The following PCNT variants were observed in gnomAD, a reference collection of about 807,000 sequenced individuals.
The protein encoded by PCNT is pericentrin, also known as kendrin.
Under a neutral mutation model 380.4 loss-of-function variants are expected in PCNT, and 319 were observed. The observed-to-expected ratio is 0.84, with a 90% CI of 0.77 to 0.92. The LOEUF is 0.92. Among genes scored for constraint, PCNT ranks in the 40% least tolerant of loss-of-function variants. The probability of loss-of-function intolerance (pLI) is 0.00; values close to 1 mark genes in which losing one functional copy is unlikely to be tolerated. For missense variants in PCNT, 4,400 were observed against 4,255.3 expected (o/e 1.03, Z -0.95); for synonymous variants, 1,845 against 1,735.2 (o/e 1.06, Z -1.57).
intron 15 of PCNT, among the ~76,000 whole-genome samples, chr21:46,372,295 CAT>C (rs1034144894): frequency 6.8e-4 from 98 of 144,760 alleles, no homozygotes; most frequent in African/African-American, 2.7e-3. Flanking sequence ...AGCACATACA[CAT>C]AGCAGATGTG....
rs1315814227 is a variant in PCNT at position 46,425,942 on chromosome 21, G to A, written c.7291G>A (p.Asp2431Asn). 2 of 1,614,094 alleles carry A rather than the reference G, an allele frequency of 1.2e-6. No individual in the cohort carries two copies. Among genetic ancestry groups the A allele is most frequent in the East Asian group, 4.5e-5 (2 of 44,886 alleles). The change falls in exon 33 of 47, where the codon GAC (aspartate) becomes AAC (asparagine). Residue 2431 changes from aspartate (D) to asparagine (N), a missense_variant. Physicochemically the swap from Asp to Asn is conservative, Grantham distance 23. Transcript: ENST00000359568. This position sits in a 1 kb window ranked among gnomAD's most constrained non-coding sequence, Gnocchi z 4.2. ...HPPRKEDEIQ[D>N]ISLHGGKTQE... Reference sequence around the variant, plus strand: ...ACCCCGGAAGGAAGACGAGATACAGGACATCTCGCTCCATGGGGGAAAGAC... The same window carrying A: ...ACCCCGGAAGGAAGACGAGATACAGAACATCTCGCTCCATGGGGGAAAGAC...
intron 3 of PCNT, among the ~76,000 whole-genome samples, chr21:46,343,017 C>T (rs779571735): frequency 5.3e-5 from 8 of 152,126 alleles, no homozygotes; most frequent in South Asian, 2.1e-4. Context: ...ATGTTGATTT[C>T]GTGTCCTGAA....
At chr21:46,347,418 A>T (rs750252949) in intron 5 of PCNT, 39 bp from the exon 6 acceptor site, 4 of 1,609,846 alleles carry the variant, frequency 2.5e-6, no homozygotes, top group South Asian at 1.1e-5. Flanking sequence ...GAAAAGGTTG[A>T]GATGGAGTGG....
At chr21:46,444,366 T>A (rs144266999) in intron 45 of PCNT, among the ~76,000 whole-genome samples, 1 of 152,204 alleles carries the variant, frequency 6.6e-6, no homozygotes, top group Non-Finnish European at 1.5e-5. Flanking sequence ...GGGGCAGGTA[T>A]CACCCTGACA....
intron 9 of PCNT, among the ~76,000 whole-genome samples, chr21:46,351,780 A>G (rs2084282726): frequency 6.6e-6 from 1 of 152,222 alleles, no homozygotes; most frequent in Non-Finnish European, 1.5e-5. Context: ...GTGTCCCTCA[A>G]GGCCAAGAGC....
At chr21:46,426,068 TC>T (rs371381797) in intron 33 of PCNT, 97 bp downstream of exon 33, 76 of 962,518 alleles carry the variant, frequency 7.9e-5, no homozygotes, top group South Asian at 2.0e-4. Flanking sequence ...AGGATTTCTT[TC>T]TTTTTTTTTT....
At position 46,440,175 on chromosome 21, in the gene PCNT, C is replaced by A. The variant is rs147772059; in HGVS notation, c.9366C>A (p.Ser3122Arg). ...PDPGRLPPAA[S>R]EEAHTSNVKM... Reference sequence around the variant, plus strand: ...CCGGCCGGCTTCCACCAGCTGCCAGCGAGGAAGCACACACCAGCAATGTCA... The same window carrying A: ...CCGGCCGGCTTCCACCAGCTGCCAGAGAGGAAGCACACACCAGCAATGTCA... Residue 3122 changes from serine to arginine, a missense_variant, in exon 42 of 47, where the codon AGC (serine) becomes AGA (arginine). By Grantham distance (110) the Ser-to-Arg change is moderately radical. Transcript: ENST00000359568. 9 of 1,613,924 alleles carry A rather than the reference C, an allele frequency of 5.6e-6. No homozygotes were observed. In the African/African-American group the frequency reaches 1.2e-4, roughly 22 times the overall value.
intron 43 of PCNT, 98 bp from the exon 44 acceptor site, chr21:46,442,399 C>G: frequency 5.2e-6 from 4 of 765,020 alleles, no homozygotes; most frequent in Non-Finnish European, 6.9e-6. Context: ...GGCAGCGAGG[C>G]CCCCATTCTG....
rs2147851397 is a variant in PCNT, at chr21:46,422,073, G to T, written c.7128G>T (p.Gln2376His). ...CTGCTTCCATCTCTGGAAGGTTTCA[G>T]CCGCTGCCGGAAGCCATGAAGGAGA... ...VTPASISGRF[Q>H]PLPEAMKEKE... The change falls in exon 32 of 47, where the codon CAG becomes CAT. Residue 2376 changes from glutamine (Q) to histidine (H), a missense_variant. Gln to His is a conservative substitution (Grantham distance 24, BLOSUM62 0). Coordinates refer to ENST00000359568, the MANE Select transcript of PCNT (RefSeq NM_006031.6). 6.2e-7 allele frequency: 1 copy of T among 1,613,916 alleles called. No homozygotes were observed.
At chr21:46,415,779 T>C (rs2042502853) in intron 29 of PCNT, among the ~76,000 whole-genome samples, 1 of 152,174 alleles carries the variant, frequency 6.6e-6, no homozygotes, top group South Asian at 2.1e-4. Flanking sequence ...TAAACCACAA[T>C]TTTGTGTTTT....
chr21:46,352,590 G>T (rs185517583), intron 9 of PCNT, among the ~76,000 whole-genome samples: 37 of 152,310 alleles, frequency 2.4e-4, no homozygotes, highest in African/African-American at 8.4e-4. Context: ...ATGGAGACAA[G>T]TTCTTTTAGG....
In PCNT at chr21:46,413,019, T is replaced by C. The variant is rs112314119; in HGVS notation, c.6150+27T>C. 7.5e-4 allele frequency: 1,125 copies of C among 1,502,918 alleles called. 5 individuals are homozygous for C. In the African/African-American group the frequency reaches 0.011, roughly 15 times the overall value. 93.1% of individuals were successfully genotyped at this position (1,502,918 alleles called of 1,614,324 possible). ...TGTGGGGAGGGGGGAAGGCGCGAGGTCCCCCCGGGAGAGGCTGGACACGCG... is the reference window on the plus strand; with the variant it reads ...TGTGGGGAGGGGGGAAGGCGCGAGGCCCCCCCGGGAGAGGCTGGACACGCG... On this transcript the variant is annotated intron_variant, in intron 29 of 46. Transcript: ENST00000359568.
Position 46,355,476 on chromosome 21 carries a change from G to A in PCNT, c.1786G>A (p.Glu596Lys), listed in dbSNP as rs2084438681. The A allele has an allele frequency of 1.2e-6, 2 of 1,614,034 alleles. No homozygotes were observed. Among genetic ancestry groups the A allele is most frequent in the Non-Finnish European group, 1.7e-6 (2 of 1,180,032 alleles). ...HKESLPRFQA[E>K]LEESHRHQLE... ...GGAGAGCCTGCCACGCTTCCAGGCG[G>A]AGTTAGAAGAAAGCCACAGGCACCA... Residue 596 changes from glutamate (E) to lysine (K), a missense_variant, in exon 12 of 47, where the codon GAG becomes AAG. Coordinates refer to ENST00000359568, the MANE Select transcript of PCNT (RefSeq NM_006031.6).
chr21:46,390,467 G>A (rs536465241), intron 19 of PCNT, among the ~76,000 whole-genome samples: 1 of 152,224 alleles, frequency 6.6e-6, no homozygotes, highest in South Asian at 2.1e-4. Flanking sequence ...CTGGGAGGCT[G>A]AGGAGGGGTC....
chr21:46,324,821 G>A, intron 1 of PCNT: 1 of 945,904 alleles, frequency 1.1e-6, no homozygotes, highest in Non-Finnish European at 1.3e-6. Flanking sequence ...CGGGTGGCCT[G>A]CAGCGCCTCC....
At position 46,388,035 on chromosome 21, in the gene PCNT, C is replaced by T. The variant is rs1420956139; in HGVS notation, c.3465-707C>T. 6.6e-6 allele frequency among the ~76,000 whole-genome samples: 1 copy of T among 151,986 alleles called. No homozygotes were observed. The highest frequency in any genetic ancestry group is 1.5e-5 in the Non-Finnish European group (1 of 67,978). Reference sequence around the variant, plus strand: ...ACCATCCTGGCTAACATGGTGAAACCCCATCTCTACTAAAAATACAAAAAA... The same window carrying T: ...ACCATCCTGGCTAACATGGTGAAACTCCATCTCTACTAAAAATACAAAAAA... On this transcript the variant is annotated intron_variant, in intron 17 of 46. Transcript: ENST00000359568. This position sits in a 1 kb window ranked among gnomAD's most constrained non-coding sequence, Gnocchi z 4.2.
chr21:46,383,715 T>C, intron 16 of PCNT, among the ~76,000 whole-genome samples: 1 of 145,636 alleles, frequency 6.9e-6, no homozygotes, highest in Non-Finnish European at 1.5e-5. Flanking sequence ...TTCACAGTGT[T>C]GTATATTCAG....
Position 46,354,044 on chromosome 21 carries a change from T to A in PCNT, c.1737T>A (p.Asp579Glu). 1 of 1,614,100 alleles carries A rather than the reference T, an allele frequency of 6.2e-7. No individual in the cohort carries two copies. Among genetic ancestry groups the A allele is most frequent in the Non-Finnish European group, 8.5e-7 (1 of 1,179,966 alleles). The part of the protein sequence containing the change: ...KPEKGRKDHV[D>E]ELEPERHKES... ...AGAAAGGAAGAAAAGATCACGTTGA[T>A]GAACTCGAGCCTGAGCGACATAAGG... Residue 579 changes from aspartate (D) to glutamate (E), a missense_variant, in exon 11 of 47, where the codon GAT (aspartate) becomes GAA (glutamate). Transcript: ENST00000359568.
intron 42 of PCNT, 117 bp downstream of exon 42, chr21:46,440,319 C>G (rs915377613): frequency 2.8e-6 from 3 of 1,085,410 alleles, no homozygotes; most frequent in East Asian, 2.4e-5. Flanking sequence ...GTAGCAGTCA[C>G]ATCACTAAAG....
Sources: allele counts gnomAD v4.1 joint callset (sites outside exome capture counted in the v4.1 genomes callset), GRCh38; gene constraint gnomAD v4.1.1; non-coding constraint Gnocchi (gnomAD v3.1); transcripts MANE v1.5; gene names NCBI Gene and HGNC (gene_info 2026-07-23, HGNC 2026-07-21).